The following IGF1R variants were observed in gnomAD, a reference collection of about 807,000 sequenced individuals.
The protein encoded by IGF1R is insulin-like growth factor 1 receptor.
In IGF1R, 44 loss-of-function variants were observed where a neutral mutation model predicts 144.6. That is an observed-to-expected ratio of 0.30 (90% CI 0.24 to 0.39). The LOEUF (loss-of-function observed/expected upper bound fraction) is 0.39. IGF1R is among the 10% of genes least tolerant of loss of function. IGF1R has a pLI of 1.00. For synonymous variants in IGF1R, 795 were observed against 722.8 expected (o/e 1.10, Z -1.60); for missense variants, 1,355 against 1,833.7 (o/e 0.74, Z 4.77).
chr15:98,863,008 C>G (rs2012240837), intron 2 of IGF1R, among the ~76,000 whole-genome samples: 1 of 152,084 alleles, frequency 6.6e-6, no homozygotes, highest in African/African-American at 2.4e-5. Flanking sequence ...ACTGATGTCC[C>G]TTTTTTTGGT....
chr15:98,963,897 CACAATATCTCT>C lies in IGF1R; in HGVS notation c.*6457_*6467del. On this transcript the variant is annotated 3_prime_UTR_variant, in exon 21 of 21. Coordinates refer to ENST00000650285, the MANE Select transcript of IGF1R (RefSeq NM_000875.5). ...ATTGTTGGCCATGTCTCCCCAACTC[CACAATATCTCT>C]ATCATGGGAAACACCTGGGGTTTTT... is the stretch of plus-strand genomic sequence containing the variant. The C allele has an allele frequency of 4.3e-6, 1 of 233,242 alleles. No individual in the cohort carries two copies. The highest frequency in any genetic ancestry group is 8.5e-6 in the Non-Finnish European group (1 of 117,982). The allele number at this position is 233,242 out of a possible 1,614,324, so 14.4% of individuals were successfully genotyped here. A position where few individuals can be genotyped will look rare whatever the true frequency, so the allele number is the denominator to read the frequency against.
intron 2 of IGF1R, among the ~76,000 whole-genome samples, chr15:98,765,630 A>G (rs2055418640): frequency 4.6e-5 from 7 of 152,106 alleles, no homozygotes; most frequent in Admixed American, 4.6e-4. Context: ...GGCCATGCCA[A>G]CAATAATTAT....
chr15:98,850,429 G>A (rs527648895), intron 2 of IGF1R, among the ~76,000 whole-genome samples: 17 of 152,326 alleles, frequency 1.1e-4, no homozygotes, highest in East Asian at 1.9e-4. Flanking sequence ...AGACACCTGG[G>A]GGGGGCACCA....
rs117473608 is a variant in IGF1R at position 98,893,854 on chromosome 15, A to G, written c.953+2217A>G. On this transcript the variant is annotated intron_variant, in intron 3 of 20. Transcript: ENST00000650285. ...CCTTTTTGTTTAAAAATAAAACACC[A>G]TAAAGAATAATAAATTCCCTTCTCT... Among the ~76,000 whole-genome samples the G allele has an allele frequency of 7.2e-5, 11 of 152,332 alleles. No individual in the cohort carries two copies. The East Asian group carries it at 1.9e-3, about 27-fold the overall frequency.
At chr15:98,748,222 A>C (rs2054916543) in intron 2 of IGF1R, among the ~76,000 whole-genome samples, 1 of 152,222 alleles carries the variant, frequency 6.6e-6, no homozygotes, top group Admixed American at 6.5e-5. Flanking sequence ...TTTGGAGTGC[A>C]GTGGTGTAGT....
chr15:98,733,709 G>A (rs545635854), intron 2 of IGF1R, among the ~76,000 whole-genome samples: 7 of 152,102 alleles, frequency 4.6e-5, no homozygotes, highest in Non-Finnish European at 1.0e-4. Context: ...CCCACTGTAA[G>A]GTCTTAACAA....
intron 3 of IGF1R, among the ~76,000 whole-genome samples, chr15:98,892,770 C>G (rs1292958546): frequency 6.6e-6 from 1 of 152,110 alleles, no homozygotes; most frequent in Non-Finnish European, 1.5e-5. Context: ...AATCCCAACA[C>G]TTTGGGAGGC....
rs28558398 is a variant in IGF1R at position 98,727,866 on chromosome 15, C to T, written c.640+19759C>T. 5.0e-3 allele frequency among the ~76,000 whole-genome samples: 761 copies of T among 152,198 alleles called. 8 individuals carry two copies. The highest frequency in any genetic ancestry group is 0.017 in the African/African-American group (713 of 41,536). ...CACCCCGAAGGAATGCGGGCCAGGCCGGGGCTGCTGGGCCTGGAAAGTTCT... is the reference window on the plus strand; with the variant it reads ...CACCCCGAAGGAATGCGGGCCAGGCTGGGGCTGCTGGGCCTGGAAAGTTCT... On this transcript the variant is annotated intron_variant, in intron 2 of 20. Coordinates refer to ENST00000650285, the MANE Select transcript of IGF1R (RefSeq NM_000875.5).
At chr15:98,813,553 T>G (rs1251171361) in intron 2 of IGF1R, among the ~76,000 whole-genome samples, 1 of 152,172 alleles carries the variant, frequency 6.6e-6, no homozygotes, top group Admixed American at 6.5e-5. Context: ...TTGGTTCTTC[T>G]CCGTGTGGCC....
chr15:98,843,359 A>G (rs1487319486), intron 2 of IGF1R, among the ~76,000 whole-genome samples: 1 of 152,174 alleles, frequency 6.6e-6, no homozygotes, highest in African/African-American at 2.4e-5. Context: ...AGAGCTGTCA[A>G]CTGACAGATA....
chr15:98,853,985 TTGTC>T (rs2011652896), intron 2 of IGF1R, among the ~76,000 whole-genome samples: 2 of 152,218 alleles, frequency 1.3e-5, no homozygotes, highest in African/African-American at 2.4e-5. Flanking sequence ...TCTCTTCCAG[TTGTC>T]TGTCTGTGCG....
At chr15:98,682,672 C>A (rs2053222047) in intron 1 of IGF1R, among the ~76,000 whole-genome samples, 1 of 152,022 alleles carries the variant, frequency 6.6e-6, no homozygotes. Context: ...CTCAGCCTTC[C>A]AGGTAGCTGG....
rs9282725 is a variant in IGF1R at position 98,899,824 on chromosome 15, A to G, written c.1247+203A>G. On this transcript the variant is annotated intron_variant, in intron 5 of 20. Coordinates refer to ENST00000650285, the MANE Select transcript of IGF1R (RefSeq NM_000875.5). Reference sequence around the variant, plus strand: ...TAGGAGGTTGCTGTTTGGAAAACAGAGATGTTATCACCCTTACTGGATTTT... The same window carrying G: ...TAGGAGGTTGCTGTTTGGAAAACAGGGATGTTATCACCCTTACTGGATTTT... 2.7e-3 allele frequency among the ~76,000 whole-genome samples: 415 copies of G among 152,204 alleles called. 3 individuals carry two copies. Among genetic ancestry groups the G allele is most frequent in the African/African-American group, 9.7e-3 (401 of 41,514 alleles).
Position 98,959,056 on chromosome 15 carries a change from C to T in IGF1R, c.*1614C>T, listed in dbSNP as rs1281828188. On this transcript the variant is annotated 3_prime_UTR_variant, in exon 21 of 21. Coordinates refer to ENST00000650285, the MANE Select transcript of IGF1R (RefSeq NM_000875.5). ...GCCCTCACAGCATTGGAGCCTGTTA[C>T]AGTGCAAGACATGATACAAACTCAG... is the stretch of plus-strand genomic sequence containing the variant. The T allele has an allele frequency of 1.3e-5, 3 of 233,278 alleles. No homozygotes were observed. Among genetic ancestry groups the T allele is most frequent in the East Asian group, 1.2e-4 (2 of 16,592 alleles). The allele number at this position is 233,278 out of a possible 1,614,324, so 14.5% of individuals were successfully genotyped here.
intron 1 of IGF1R, 49 bp downstream of exon 1, chr15:98,649,724 A>AG (rs2052301571): frequency 1.4e-6 from 2 of 1,401,488 alleles, no homozygotes; most frequent in Non-Finnish European, 2.0e-6. Context: ...TTTTCCTCCG[A>AG]GGGGCTGCGC....
intron 18 of IGF1R, among the ~76,000 whole-genome samples, 191 bp downstream of exon 18, chr15:98,939,551 C>A (rs905801415): frequency 6.6e-6 from 1 of 152,166 alleles, no homozygotes; most frequent in Admixed American, 6.5e-5. Context: ...ATGCTGATAG[C>A]TCATGGACAT....
At position 98,760,179 on chromosome 15, in the gene IGF1R, T is replaced by TAA. The variant is rs5814896; in HGVS notation, c.640+52085_640+52086dup. ...ACATGGTGAAACTCCTGTCTCTACT[T>TAA]AAAAAAAAAAAAAATGCAAAAACTA... On this transcript the variant is annotated intron_variant, in intron 2 of 20. Transcript: ENST00000650285. 2.6e-3 allele frequency among the ~76,000 whole-genome samples: 382 copies of TAA among 145,068 alleles called. 1 individual carries two copies. Among genetic ancestry groups the TAA allele is most frequent in the African/African-American group, 7.3e-3 (288 of 39,476 alleles).
intron 2 of IGF1R, among the ~76,000 whole-genome samples, chr15:98,794,045 G>C (rs947593643): frequency 1.3e-5 from 2 of 152,180 alleles, no homozygotes; most frequent in East Asian, 3.9e-4. Flanking sequence ...CAAGTGTCCT[G>C]GGTATTCCTC....
rs960567321 is a variant in IGF1R at position 98,935,188 on chromosome 15, C to T, written c.3187-128C>T. On this transcript the variant is annotated intron_variant, in intron 16 of 20. Coordinates refer to ENST00000650285, the MANE Select transcript of IGF1R (RefSeq NM_000875.5). The surrounding 1 kb of genome is among the most constrained non-coding windows in gnomAD (Gnocchi z 4.2). The stretch of plus-strand genomic sequence containing the variant: ...TGCCTTCTGGATAGTTACCCCATTA[C>T]CTCACTGCTACCTTCAGACCCCTGT... The T allele has an allele frequency of 3.2e-6, 3 of 948,646 alleles. No individual in the cohort carries two copies. The highest frequency in any genetic ancestry group is 3.3e-6 in the Non-Finnish European group (2 of 597,892). The allele number at this position is 948,646 out of a possible 1,614,324, so 58.8% of individuals were successfully genotyped here. A position where few individuals can be genotyped will look rare whatever the true frequency, so the allele number is the denominator to read the frequency against.
Sources: allele counts gnomAD v4.1 joint callset (sites outside exome capture counted in the v4.1 genomes callset), GRCh38; gene constraint gnomAD v4.1.1; non-coding constraint Gnocchi (gnomAD v3.1); transcripts MANE v1.5; gene names NCBI Gene and HGNC (gene_info 2026-07-23, HGNC 2026-07-21).